FOXI3: variants seen among roughly 807,000 people sequenced by gnomAD.
FOXI3 encodes forkhead box protein I3.
FOXI3 carries 4 observed loss-of-function variants against 15.6 expected under a neutral mutation model. The ratio of observed to expected loss-of-function variants is 0.26; its 90% CI spans 0.13 to 0.59. The LOEUF (loss-of-function observed/expected upper bound fraction) is 0.59, where lower values mean the gene tolerates loss of function less well. Among genes scored for constraint, FOXI3 ranks in the 20% least tolerant of loss-of-function variants. The probability of loss-of-function intolerance (pLI) is 0.90; values close to 1 mark genes in which losing one functional copy is unlikely to be tolerated. For missense variants in FOXI3, 489 were observed against 548.2 expected (o/e 0.89, Z 1.08); for synonymous variants, 238 against 244.4 (o/e 0.97, Z 0.25).
In FOXI3 at chr2:88,452,445, G is replaced by A. The variant is rs917763633; in HGVS notation, c.91C>T (p.Pro31Ser). 9 of 1,047,650 alleles carry A rather than the reference G, an allele frequency of 8.6e-6. No homozygotes were observed. In the African/African-American group the frequency reaches 1.0e-4, roughly 12 times the overall value. 64.9% of individuals were successfully genotyped at this position (1,047,650 alleles called of 1,614,324 possible). A position where few individuals can be genotyped will look rare whatever the true frequency, so the allele number is the denominator to read the frequency against. Reference protein sequence around the residue: ...AATAAAPGAPPAARAPYGLAD... With the variant: ...AATAAAPGAPSAARAPYGLAD... ...AGCCCGTAAGGCGCCCTGGCTGCCG[G>A]GGGGGCGCCCGGGGCGGCGGCGGTG... The change falls in exon 1 of 2, where the codon CCG (proline) becomes TCG (serine). Residue 31 changes from proline to serine, a missense_variant. Pro to Ser is a moderately conservative substitution (Grantham distance 74). Transcript: ENST00000428390.
chr2:88,449,751 TA>T (rs1327316819), intron 1 of FOXI3, among the ~76,000 whole-genome samples: 1 of 152,208 alleles, frequency 6.6e-6, no homozygotes, highest in African/African-American at 2.4e-5. Flanking sequence ...TGTTTTAAAG[TA>T]CTGTAGAATG....
At chr2:88,451,316 C>T (rs946089390) in intron 1 of FOXI3, among the ~76,000 whole-genome samples, 5 of 152,226 alleles carry the variant, frequency 3.3e-5, no homozygotes, top group African/African-American at 1.2e-4. Context: ...CAGAACCTCT[C>T]TGCTTAAAGT....
intron 1 of FOXI3, among the ~76,000 whole-genome samples, chr2:88,451,514 G>A (rs1460069791): frequency 6.6e-6 from 1 of 152,160 alleles, no homozygotes; most frequent in Non-Finnish European, 1.5e-5. Context: ...GGAAATCCCA[G>A]CTCACACGGA....
chr2:88,448,591 G>A lies in FOXI3; in HGVS notation c.879C>T (p.Gly293=). 1 of 1,551,594 alleles carries A rather than the reference G, an allele frequency of 6.4e-7. No individual in the cohort carries two copies. The highest frequency in any genetic ancestry group is 1.4e-5 in the African/African-American group (1 of 73,156). ...CAGGAGATGAGGCAGTACTCTTGGT[G>A]CCCTCCGGAGGCTCTGGGGAGTGGG... ...RPSHSPEPPE[G]TKSTASSPGG... Residue 293 remains glycine (G), a synonymous_variant, in exon 2 of 2, where the codon GGC becomes GGT. Transcript: ENST00000428390.
At chr2:88,449,199 G>A (rs533577918) in intron 1 of FOXI3, among the ~76,000 whole-genome samples, 20 of 150,126 alleles carry the variant, frequency 1.3e-4, no homozygotes, top group South Asian at 1.1e-3. Flanking sequence ...GTTAGACTGG[G>A]CCAACATAGT....
intron 1 of FOXI3, among the ~76,000 whole-genome samples, chr2:88,450,393 C>G (rs1013035678): frequency 6.7e-6 from 1 of 148,378 alleles, no homozygotes; most frequent in African/African-American, 2.5e-5. Context: ...CCACTGCACT[C>G]TAGCCTGGGC....
Position 88,448,551 on chromosome 2 carries a change from T to G in FOXI3, c.919A>C (p.Thr307Pro), listed in dbSNP as rs568997728. ...AAAGTGTTGAGACAAGGGGTGGAGG[T>G]GAGCATGGGTCCTCCAGGAGATGAG... ...TASSPGGPML[T>P]STPCLNTFFS... Residue 307 changes from threonine to proline, a missense_variant, in exon 2 of 2, where the codon ACC (threonine) becomes CCC (proline). Coordinates refer to ENST00000428390, the MANE Select transcript of FOXI3 (RefSeq NM_001135649.3). The G allele has an allele frequency of 1.3e-6, 2 of 1,551,374 alleles. No individual in the cohort carries two copies. Among genetic ancestry groups the G allele is most frequent in the East Asian group, 4.9e-5 (2 of 40,886 alleles).
intron 1 of FOXI3, among the ~76,000 whole-genome samples, chr2:88,450,196 C>T (rs1221116520): frequency 6.6e-6 from 1 of 152,022 alleles, no homozygotes; most frequent in African/African-American, 2.4e-5. Flanking sequence ...TTTGGGAGGC[C>T]GAAACGGGTG....
In FOXI3 at chr2:88,448,397, A is replaced by G. The variant is rs1352358742; in HGVS notation, c.1073T>C (p.Ile358Thr). 1 of 1,551,592 alleles carries G rather than the reference A, an allele frequency of 6.4e-7. No individual in the cohort carries two copies. Among genetic ancestry groups the G allele is most frequent in the Non-Finnish European group, 8.7e-7 (1 of 1,146,960 alleles). The change falls in exon 2 of 2, where the codon ATC (isoleucine) becomes ACC (threonine). Residue 358 changes from isoleucine to threonine, a missense_variant. Coordinates refer to ENST00000428390, the MANE Select transcript of FOXI3 (RefSeq NM_001135649.3). The part of the protein sequence containing the change: ...PSSGVFSPTS[I>T]SEASADTLQL... ...CAAGGTGTCTGCTGAGGCCTCTGAG[A>G]TGGAGGTCGGGGAGAACACGCCGCT...
In FOXI3 at chr2:88,452,181, A is replaced by C. The variant is rs1205992982; in HGVS notation, c.355T>G (p.Ser119Ala). 2.4e-5 allele frequency: 30 copies of C among 1,272,744 alleles called. No homozygotes were observed. Among genetic ancestry groups the C allele is most frequent in the African/African-American group, 7.9e-5 (5 of 63,146 alleles). 78.8% of individuals were successfully genotyped at this position (1,272,744 alleles called of 1,614,324 possible). A position where few individuals can be genotyped will look rare whatever the true frequency, so the allele number is the denominator to read the frequency against. The change falls in exon 1 of 2, where the codon TCG (serine) becomes GCG (alanine). Residue 119 changes from serine to alanine, a missense_variant. Coordinates refer to ENST00000428390, the MANE Select transcript of FOXI3 (RefSeq NM_001135649.3). ...FAQPAPAAPA[S>A]PAAPAGPGEL... ...CCGGGCCCCGCGGGCGCGGCGGGCG[A>C]GGCGGGCGCGGCGGGCGCGGGCTGC...
Position 88,447,005 on chromosome 2 carries a change from C to G in FOXI3, c.*1202G>C, listed in dbSNP as rs2104255599. ...TATCAGTCTCACCTTGGAAAGTGGT[C>G]ACAACTTTTTTTTAGCCACCTGTGC... is the stretch of plus-strand genomic sequence containing the variant. On this transcript the variant is annotated 3_prime_UTR_variant, in exon 2 of 2. Coordinates refer to ENST00000428390, the MANE Select transcript of FOXI3 (RefSeq NM_001135649.3). 1 of 152,258 alleles carries G rather than the reference C, an allele frequency of 6.6e-6. No individual in the cohort carries two copies. The highest frequency in any genetic ancestry group is 2.4e-5 in the African/African-American group (1 of 41,560). 9.4% of individuals were successfully genotyped at this position (152,258 alleles called of 1,614,324 possible).
At chr2:88,449,879 T>C (rs1211031509) in intron 1 of FOXI3, among the ~76,000 whole-genome samples, 1 of 152,304 alleles carries the variant, frequency 6.6e-6, no homozygotes, top group South Asian at 2.1e-4. Flanking sequence ...TGCAGACTGG[T>C]TAGTAACTTG....
chr2:88,451,542 C>T (rs1423536582), intron 1 of FOXI3, among the ~76,000 whole-genome samples: 1 of 152,216 alleles, frequency 6.6e-6, no homozygotes, highest in African/African-American at 2.4e-5. Flanking sequence ...ATAACCATCC[C>T]TTATCTGAGA....
In FOXI3 at chr2:88,448,793, T is replaced by C. The variant is rs1675993828; in HGVS notation, c.677A>G (p.Glu226Gly). The C allele has an allele frequency of 1.3e-6, 2 of 1,551,614 alleles. No individual in the cohort carries two copies. The highest frequency in any genetic ancestry group is 1.7e-6 in the Non-Finnish European group (2 of 1,146,996). ...GNYWTLDPNC[E>G]KMFDNGNFRR... ...GAAGTTCCCATTGTCAAACATTTTC[T>C]CGCAGTTCGGATCAAGAGTCCAATA... Residue 226 changes from glutamate (E) to glycine (G), a missense_variant, in exon 2 of 2, where the codon GAG (glutamate) becomes GGG (glycine). Transcript: ENST00000428390.
chr2:88,451,561 G>T (rs953390452), intron 1 of FOXI3, among the ~76,000 whole-genome samples: 2 of 152,182 alleles, frequency 1.3e-5, no homozygotes, highest in African/African-American at 4.8e-5. Context: ...GAGCTCCCTT[G>T]TAAGTAGACC....
At chr2:88,451,579 C>T (rs1325180688) in intron 1 of FOXI3, among the ~76,000 whole-genome samples, 2 of 152,210 alleles carry the variant, frequency 1.3e-5, no homozygotes, top group Non-Finnish European at 2.9e-5. Context: ...ACCCTCCCTT[C>T]AAAAGGCCTA....
In FOXI3 at chr2:88,452,680, G is replaced by T. The variant is rs900022398; in HGVS notation, c.-145C>A. 151 of 359,086 alleles carry T rather than the reference G, an allele frequency of 4.2e-4. No homozygotes were observed. The highest frequency in any genetic ancestry group is 3.2e-3 in the African/African-American group (145 of 45,198). 22.2% of individuals were successfully genotyped at this position (359,086 alleles called of 1,614,324 possible). A position where few individuals can be genotyped will look rare whatever the true frequency, so the allele number is the denominator to read the frequency against. The stretch of plus-strand genomic sequence containing the variant: ...TGGGCGCCCGGTGCTCCGGGCCGGG[G>T]TCGGGCGGGTGCTAGCGGAGCGCCT... On this transcript the variant is annotated 5_prime_UTR_variant, in exon 1 of 2. Coordinates refer to ENST00000428390, the MANE Select transcript of FOXI3 (RefSeq NM_001135649.3).
chr2:88,448,346 C>A lies in FOXI3; in HGVS notation c.1124G>T (p.Ser375Ile). ...TLQLSNSTSNSTGQRSSYYSP... is the reference protein window; with the variant it reads ...TLQLSNSTSNITGQRSSYYSP... ...GTAATAGGAAGATCTCTGGCCGGTG[C>A]TATTGCTGGTGCTATTGCTCAGTTG... The change falls in exon 2 of 2, where the codon AGC becomes ATC. Residue 375 changes from serine (S) to isoleucine (I), a missense_variant. This residue lies in a region of FOXI3 where 263 missense variants were observed against 285.5 expected (regional missense o/e 0.92). Transcript: ENST00000428390. 6.4e-7 allele frequency: 1 copy of A among 1,551,626 alleles called. No individual in the cohort carries two copies. Among genetic ancestry groups the A allele is most frequent in the Non-Finnish European group, 8.7e-7 (1 of 1,146,982 alleles).
rs1318271082 is a variant in FOXI3, at chr2:88,448,023, G to A, written c.*184C>T. 4.9e-6 allele frequency: 3 copies of A among 607,158 alleles called. No homozygotes were observed. In the African/African-American group the frequency reaches 5.5e-5, roughly 11 times the overall value. 37.6% of individuals were successfully genotyped at this position (607,158 alleles called of 1,614,324 possible). ...GAAACCTGTAAAAGCTCGCTGGGTTGTAGCAAGAGTTATCTACTACACCCT... is the reference window on the plus strand; with the variant it reads ...GAAACCTGTAAAAGCTCGCTGGGTTATAGCAAGAGTTATCTACTACACCCT... On this transcript the variant is annotated 3_prime_UTR_variant, in exon 2 of 2. Coordinates refer to ENST00000428390, the MANE Select transcript of FOXI3 (RefSeq NM_001135649.3).
Sources: allele counts gnomAD v4.1 joint callset (sites outside exome capture counted in the v4.1 genomes callset), GRCh38; gene constraint gnomAD v4.1.1; regional missense constraint gnomAD v4.1.1; transcripts MANE v1.5; gene names NCBI Gene and HGNC (gene_info 2026-07-23, HGNC 2026-07-21).